The following SLCO2B1 variants were observed in gnomAD, a reference collection of about 807,000 sequenced individuals.
SLCO2B1 encodes solute carrier organic anion transporter family member 2B1, also known as OATP-RP2.
A neutral mutation model predicts 67.3 loss-of-function variants in SLCO2B1; 41 were observed. The ratio of observed to expected loss-of-function variants is 0.61; its 90% CI spans 0.47 to 0.79. SLCO2B1 has a LOEUF of 0.79. Ranked by LOEUF, SLCO2B1 falls within the 30% of genes least tolerant of loss-of-function variation. SLCO2B1 has a pLI of 0.00. For missense variants in SLCO2B1, 837 were observed against 920.1 expected, an observed-to-expected ratio of 0.91 and a Z score of 1.17; for synonymous variants, 379 against 381.4, an observed-to-expected ratio of 0.99 and a Z score of 0.07.
chr11:75,194,665 G>T (rs577734153), intron 9 of SLCO2B1, among the ~76,000 whole-genome samples: 1 of 152,296 alleles, frequency 6.6e-6, no homozygotes, highest in East Asian at 1.9e-4. Flanking sequence ...CTGCAGCGGG[G>T]GTTTAGCCAC....
At chr11:75,164,906 G>A (rs570749660) in intron 3 of SLCO2B1, among the ~76,000 whole-genome samples, 110 of 152,218 alleles carry the variant, frequency 7.2e-4, no homozygotes, top group Middle Eastern at 3.4e-3. Flanking sequence ...TATGAATACG[G>A]CCACTATGGA....
At chr11:75,162,809 G>A (rs1949838278) in intron 2 of SLCO2B1, 24 bp downstream of exon 2, 2 of 1,606,998 alleles carry the variant, frequency 1.2e-6, no homozygotes, top group East Asian at 4.5e-5. Flanking sequence ...CCTGGCAGGG[G>A]CCTCCGAGTC....
At chr11:75,171,073 G>T (rs1949953936) in intron 6 of SLCO2B1, among the ~76,000 whole-genome samples, 1 of 152,280 alleles carries the variant, frequency 6.6e-6, no homozygotes, top group African/African-American at 2.4e-5. Context: ...GCCTGACATG[G>T]AGGCAGGGGA....
intron 7 of SLCO2B1, among the ~76,000 whole-genome samples, chr11:75,181,560 C>T (rs892737162): frequency 6.6e-6 from 1 of 152,092 alleles, no homozygotes; most frequent in Non-Finnish European, 1.5e-5. Context: ...CATATCACCC[C>T]AGAGTCCACA....
rs1945054599 is a variant in SLCO2B1 at position 75,193,407 on chromosome 11, T to C, written c.1265T>C (p.Ile422Thr). 6 of 1,614,166 alleles carry C rather than the reference T, an allele frequency of 3.7e-6. No individual in the cohort carries two copies. In the East Asian group the frequency reaches 1.3e-4, roughly 36 times the overall value. ...LIGCLSFPSV[I>T]VGIVVGGVLV... is the part of the protein sequence containing the mutation. ...GGCTGCCTCTCCTTCCCTTCGGTCA[T>C]CGTGGGCATCGTGGTGGGTGGCGTC... Residue 422 changes from isoleucine (I) to threonine (T), a missense_variant, in exon 9 of 14, where the codon ATC (isoleucine) becomes ACC (threonine). Coordinates refer to ENST00000289575, the MANE Select transcript of SLCO2B1 (RefSeq NM_007256.5). The surrounding 1 kb of genome is among the most constrained non-coding windows in gnomAD (Gnocchi z 4.2).
At chr11:75,170,599 C>CGT (rs1335845037) in intron 6 of SLCO2B1, among the ~76,000 whole-genome samples, 1 of 152,176 alleles carries the variant, frequency 6.6e-6, no homozygotes, top group Non-Finnish European at 1.5e-5. Context: ...CCTCAGGTGA[C>CGT]GTGTGTGTGG....
At chr11:75,167,424 C>T (rs1949906541) in intron 4 of SLCO2B1, among the ~76,000 whole-genome samples, 1 of 152,142 alleles carries the variant, frequency 6.6e-6, no homozygotes, top group South Asian at 2.1e-4. Flanking sequence ...GCAATAGGTG[C>T]CCCTGAATCC....
chr11:75,174,141 A>C (rs1949997619), intron 7 of SLCO2B1, among the ~76,000 whole-genome samples: 1 of 152,164 alleles, frequency 6.6e-6, no homozygotes, highest in South Asian at 2.1e-4. Flanking sequence ...AAGTTCATTA[A>C]TTTTTTTAAT....
chr11:75,169,775 G>A lies in SLCO2B1; in HGVS notation c.781+11G>A. The A allele has an allele frequency of 5.6e-6, 9 of 1,610,636 alleles. No individual in the cohort carries two copies. The highest frequency in any genetic ancestry group is 7.6e-6 in the Non-Finnish European group (9 of 1,176,894). ...ACCAGATGCCAGAAGGTGAGCCTCA[G>A]GAGCACATGTTTGCTAGACCCTAGC... On this transcript the variant is annotated intron_variant, in intron 6 of 13. Coordinates refer to ENST00000289575, the MANE Select transcript of SLCO2B1 (RefSeq NM_007256.5).
rs755830457 is a variant in SLCO2B1 at position 75,193,587 on chromosome 11, C to T, written c.1433+12C>T. 34 of 1,523,534 alleles carry T rather than the reference C, an allele frequency of 2.2e-5. No individual in the cohort carries two copies. The South Asian group carries it at 2.3e-4, about 10-fold the overall frequency. 94.4% of individuals were successfully genotyped at this position (1,523,534 alleles called of 1,614,324 possible). ...ACACACCAGACCAGGTGAGTGTGTG[C>T]GTGGGCACGTAAAGGCAAGCCTGGG... On this transcript the variant is annotated intron_variant, in intron 9 of 13. Coordinates refer to ENST00000289575, the MANE Select transcript of SLCO2B1 (RefSeq NM_007256.5). The surrounding 1 kb of genome is among the most constrained non-coding windows in gnomAD (Gnocchi z 4.2).
intron 9 of SLCO2B1, among the ~76,000 whole-genome samples, chr11:75,194,094 G>A (rs551982430): frequency 1.1e-4 from 16 of 152,288 alleles, no homozygotes; most frequent in Non-Finnish European, 1.6e-4. Context: ...GCAGACCTCT[G>A]ATAATTTTGG....
intron 9 of SLCO2B1, among the ~76,000 whole-genome samples, chr11:75,195,747 C>T (rs950399576): frequency 6.6e-5 from 10 of 152,228 alleles, no homozygotes; most frequent in African/African-American, 1.9e-4. Flanking sequence ...CCCTGAAAGG[C>T]GCAGCCTCTC....
At chr11:75,158,948 C>T (rs2140302814) in intron 1 of SLCO2B1, among the ~76,000 whole-genome samples, 1 of 152,334 alleles carries the variant, frequency 6.6e-6, no homozygotes. Flanking sequence ...CCTTGCTCCT[C>T]ATCACCCAGA....
At chr11:75,160,547 T>C (rs1949806444) in intron 1 of SLCO2B1, among the ~76,000 whole-genome samples, 2 of 152,194 alleles carry the variant, frequency 1.3e-5, no homozygotes, top group African/African-American at 2.4e-5. Context: ...CTCCACCTCC[T>C]CTGGGAGCCT....
chr11:75,188,997 G>A (rs968606189), intron 8 of SLCO2B1, among the ~76,000 whole-genome samples: 3 of 152,208 alleles, frequency 2.0e-5, no homozygotes, highest in Non-Finnish European at 2.9e-5. Context: ...TGGCATGGGC[G>A]AAGAGAGCTC....
chr11:75,169,231 C>T lies in SLCO2B1; in HGVS notation c.507C>T (p.Ala169=). Residue 169 remains alanine, a synonymous_variant, in exon 5 of 14, where the codon GCC becomes GCT. Transcript: ENST00000289575. The part of the protein sequence containing the change: ...SLCLPTTSAP[A]SAPSNGNCSS... ...GCCTGCCCACAACCTCGGCCCCAGC[C>T]TCGGCCCCCTCCAATGGCAACTGCT... is the stretch of plus-strand genomic sequence containing the variant. The T allele has an allele frequency of 1.2e-6, 2 of 1,614,204 alleles. No homozygotes were observed. Among genetic ancestry groups the T allele is most frequent in the Non-Finnish European group, 1.7e-6 (2 of 1,180,032 alleles).
At chr11:75,172,771 T>C (rs1231912517) in intron 7 of SLCO2B1, among the ~76,000 whole-genome samples, 2 of 151,828 alleles carry the variant, frequency 1.3e-5, no homozygotes, top group Non-Finnish European at 2.9e-5. Context: ...CTACTAAAAA[T>C]AGAAAAAATT....
Position 75,193,402 on chromosome 11 carries a change from G to C in SLCO2B1, c.1260G>C (p.Ser420=), listed in dbSNP as rs753724002. 1 of 1,614,142 alleles carries C rather than the reference G, an allele frequency of 6.2e-7. No homozygotes were observed. The highest frequency in any genetic ancestry group is 1.3e-5 in the African/African-American group (1 of 75,062). Residue 420 remains serine, a synonymous_variant, in exon 9 of 14, where the codon TCG becomes TCC. Transcript: ENST00000289575. The surrounding 1 kb of genome is among the most constrained non-coding windows in gnomAD (Gnocchi z 4.2). ...NLLIGCLSFP[S]VIVGIVVGGV... ...TCATCGGCTGCCTCTCCTTCCCTTC[G>C]GTCATCGTGGGCATCGTGGTGGGTG...
Position 75,193,498 on chromosome 11 carries a change from G to C in SLCO2B1, c.1356G>C (p.Leu452=). The change falls in exon 9 of 14, where the codon CTG becomes CTC. Residue 452 remains leucine, a synonymous_variant. Transcript: ENST00000289575. This position sits in a 1 kb window ranked among gnomAD's most constrained non-coding sequence, Gnocchi z 4.2. ...CGALCLLGML[L]CLFFSLPLFF... ...CCCTTTGCCTGCTGGGGATGCTGCT[G>C]TGCCTCTTCTTCAGCCTGCCGCTCT... The C allele has an allele frequency of 6.2e-7, 1 of 1,606,692 alleles. No individual in the cohort carries two copies. The highest frequency in any genetic ancestry group is 8.5e-7 in the Non-Finnish European group (1 of 1,175,344).
Sources: gnomAD v4.1 joint callset for allele counts (sites outside exome capture counted in the v4.1 genomes callset) on GRCh38, gnomAD v4.1.1 for gene constraint, Gnocchi (gnomAD v3.1) non-coding constraint, MANE v1.5 for transcripts, NCBI Gene and HGNC (gene_info 2026-07-23, HGNC 2026-07-21) for gene names.